CBFA2T2: variants seen among roughly 807,000 people sequenced by gnomAD.
The protein encoded by CBFA2T2 is protein CBFA2T2.
A neutral mutation model predicts 62.2 loss-of-function variants in CBFA2T2; 11 were observed. The observed-to-expected ratio is 0.18, with a 90% confidence interval of 0.11 to 0.29. The LOEUF (loss-of-function observed/expected upper bound fraction) is 0.29, where lower values mean the gene tolerates loss of function less well. CBFA2T2 is among the 10% of genes least tolerant of loss of function. CBFA2T2 has a pLI of 1.00. For synonymous variants in CBFA2T2, 295 were observed against 287.5 expected (o/e 1.03, Z -0.27); for missense variants, 592 against 774.1 (o/e 0.76, Z 2.79).
intron 4 of CBFA2T2, among the ~76,000 whole-genome samples, chr20:33,620,800 C>A (rs1374413787): frequency 1.3e-5 from 2 of 152,216 alleles, no homozygotes; most frequent in African/African-American, 4.8e-5. Flanking sequence ...TGCACTCCAG[C>A]CTGGGTGACA....
At chr20:33,573,154 A>G (rs942734747) in intron 1 of CBFA2T2, among the ~76,000 whole-genome samples, 4 of 152,206 alleles carry the variant, frequency 2.6e-5, no homozygotes, top group African/African-American at 7.2e-5. Flanking sequence ...AGTTACATCA[A>G]TGAGTAAAGC....
At chr20:33,505,210 T>C (rs2011381385) in intron 1 of CBFA2T2, among the ~76,000 whole-genome samples, 1 of 152,186 alleles carries the variant, frequency 6.6e-6, no homozygotes, top group African/African-American at 2.4e-5. Flanking sequence ...CTCTTTTAAG[T>C]AGAGGTGTAA....
chr20:33,535,996 C>A (rs376325717), intron 1 of CBFA2T2, among the ~76,000 whole-genome samples: 4 of 152,140 alleles, frequency 2.6e-5, no homozygotes, highest in African/African-American at 4.8e-5. Flanking sequence ...GTAAGGTCAC[C>A]GATCAACAGG....
At chr20:33,610,239 T>C (rs1022145711) in intron 2 of CBFA2T2, among the ~76,000 whole-genome samples, 1 of 151,986 alleles carries the variant, frequency 6.6e-6, no homozygotes, top group African/African-American at 2.4e-5. Context: ...CACCAGGAGG[T>C]CAAGGCTGCA....
intron 3 of CBFA2T2, among the ~76,000 whole-genome samples, chr20:33,618,804 A>T (rs2015814109): frequency 1.3e-5 from 2 of 152,222 alleles, no homozygotes; most frequent in African/African-American, 4.8e-5. Flanking sequence ...CCAAGTCATT[A>T]TCTCTGTAAC....
intron 1 of CBFA2T2, among the ~76,000 whole-genome samples, chr20:33,567,546 A>C (rs1457356729): frequency 1.3e-5 from 2 of 148,522 alleles, no homozygotes; most frequent in African/African-American, 4.9e-5. Flanking sequence ...ATTCTTGTTA[A>C]TCTCTTACTG....
At position 33,628,432 on chromosome 20, in the gene CBFA2T2, C is replaced by A; in HGVS notation, c.1029C>A (p.Asp343Glu). ...GGGCTGATGAATGGAAACATCTTGA[C>A]CATGTAAGAATCTTGTAGTGTGTAA... The part of the protein sequence containing the change: ...REWADEWKHL[D>E]HALNCIMEMV... The change falls in exon 7 of 11, where the codon GAC becomes GAA. Residue 343 changes from aspartate (D) to glutamate (E), a missense_variant. Asp to Glu is a conservative substitution (Grantham distance 45, BLOSUM62 2). This residue lies in a region of CBFA2T2 where 449 missense variants were observed against 551.2 expected (regional missense o/e 0.81). Transcript: ENST00000342704. 1 of 1,605,290 alleles carries A rather than the reference C, an allele frequency of 6.2e-7. No homozygotes were observed. The highest frequency in any genetic ancestry group is 1.1e-5 in the South Asian group (1 of 90,904).
intron 1 of CBFA2T2, among the ~76,000 whole-genome samples, chr20:33,586,303 TGAGTAGCTGGGACTACAGGGACG>T (rs761812128): frequency 6.6e-6 from 1 of 152,112 alleles, no homozygotes; most frequent in Non-Finnish European, 1.5e-5. Context: ...CTCAGCCTCC[TGAGTAGCTGGGACTACAGGGACG>T]GGGTTTCACT....
At chr20:33,514,485 A>G (rs2011567112) in intron 1 of CBFA2T2, among the ~76,000 whole-genome samples, 1 of 151,612 alleles carries the variant, frequency 6.6e-6, no homozygotes, top group Admixed American at 6.6e-5. Flanking sequence ...AACATGCTTG[A>G]TATGTTTAAA....
At chr20:33,503,254 C>CTTTTT (rs557746879) in intron 1 of CBFA2T2, among the ~76,000 whole-genome samples, 243 of 108,616 alleles carry the variant, frequency 2.2e-3, no homozygotes, top group Middle Eastern at 6.6e-3. Context: ...TTCTTTCTTT[C>CTTTTT]TTTTTTTTTT....
chr20:33,576,214 G>T (rs561378745), intron 1 of CBFA2T2, among the ~76,000 whole-genome samples: 1 of 152,308 alleles, frequency 6.6e-6, no homozygotes, highest in Non-Finnish European at 1.5e-5. Flanking sequence ...AAGTGCCAGA[G>T]ACAGGGAAAG....
At chr20:33,623,866 T>C (rs1451634906) in intron 5 of CBFA2T2, 1 of 717,184 alleles carries the variant, frequency 1.4e-6, no homozygotes. Context: ...TAAGAAACTC[T>C]ACTCTAGAGA....
At chr20:33,618,173 C>CTTTT (rs58066954) in intron 3 of CBFA2T2, among the ~76,000 whole-genome samples, 14 of 138,344 alleles carry the variant, frequency 1.0e-4, no homozygotes, top group East Asian at 2.1e-4. Context: ...ATATATTTTC[C>CTTTT]TTTTTTTTTT....
intron 3 of CBFA2T2, among the ~76,000 whole-genome samples, chr20:33,617,152 C>A (rs935285487): frequency 3.3e-5 from 5 of 151,954 alleles, no homozygotes; most frequent in Admixed American, 3.3e-4. Flanking sequence ...GGGCGGATCA[C>A]GAGGTCAGGA....
At chr20:33,570,128 G>A (rs6141411) in intron 1 of CBFA2T2, among the ~76,000 whole-genome samples, 63,606 of 151,922 alleles carry the variant, frequency 0.42, 15,261 homozygotes, top group African/African-American at 0.66. Context: ...AAAATACAAA[G>A]AAACTAGCCA....
intron 1 of CBFA2T2, among the ~76,000 whole-genome samples, chr20:33,534,319 G>T (rs2012142201): frequency 6.8e-6 from 1 of 146,486 alleles, no homozygotes; most frequent in Non-Finnish European, 1.5e-5. Flanking sequence ...TCTTGCTGTT[G>T]AGGTTTTTGT....
intron 1 of CBFA2T2, among the ~76,000 whole-genome samples, chr20:33,494,258 T>C: frequency 2.6e-5 from 2 of 78,154 alleles, no homozygotes; most frequent in Non-Finnish European, 4.8e-5. Context: ...TATATATATA[T>C]ATATATATAT....
chr20:33,594,282 C>T (rs1229372866), intron 1 of CBFA2T2, among the ~76,000 whole-genome samples: 1 of 152,018 alleles, frequency 6.6e-6, no homozygotes, highest in Non-Finnish European at 1.5e-5. Context: ...AGTGCAGTGG[C>T]GCAACCTCGG....
chr20:33,548,441 A>G (rs1229529164), intron 1 of CBFA2T2, among the ~76,000 whole-genome samples: 1 of 151,214 alleles, frequency 6.6e-6, no homozygotes, highest in Non-Finnish European at 1.5e-5. Flanking sequence ...ATGGGGTTTC[A>G]CCATGTTGGC....
Sources: allele counts gnomAD v4.1 joint callset (sites outside exome capture counted in the v4.1 genomes callset), GRCh38; gene constraint gnomAD v4.1.1; regional missense constraint gnomAD v4.1.1; transcripts MANE v1.5; gene names NCBI Gene and HGNC (gene_info 2026-07-23, HGNC 2026-07-21).